Variants in FAM13A observed in about 807,000 individuals in gnomAD.
FAM13A encodes the protein protein FAM13A.
A neutral mutation model predicts 129.6 loss-of-function variants in FAM13A; 76 were observed. The observed-to-expected ratio is 0.59, with a 90% CI of 0.49 to 0.71. The LOEUF is 0.71. FAM13A is among the 30% of genes least tolerant of loss of function. The pLI, the probability that FAM13A is intolerant of heterozygous loss-of-function variation, is 0.00. For synonymous variants in FAM13A, 443 were observed against 449.9 expected, an observed-to-expected ratio of 0.98 and a Z score of 0.20; for missense variants, 1,108 against 1,249.3, an observed-to-expected ratio of 0.89 and a Z score of 1.70.
intron 6 of FAM13A, among the ~76,000 whole-genome samples, chr4:88,888,582 A>G (rs999373232): frequency 1.3e-5 from 2 of 152,114 alleles, no homozygotes; most frequent in African/African-American, 4.8e-5. Flanking sequence ...AAAGTAAATA[A>G]ATAAATAAAT....
At chr4:88,989,891 T>C (rs1762731265) in intron 4 of FAM13A, 1 of 152,198 alleles carries the variant, frequency 6.6e-6, no homozygotes, top group African/African-American at 2.4e-5. Context: ...AGTTTTCTAC[T>C]TACACCTTTC....
chr4:88,991,102 T>C lies in FAM13A; in HGVS notation c.476A>G (p.Glu159Gly). 2 of 1,613,904 alleles carry C rather than the reference T, an allele frequency of 1.2e-6. No individual in the cohort carries two copies. The highest frequency in any genetic ancestry group is 1.7e-6 in the Non-Finnish European group (2 of 1,179,856). The change falls in exon 4 of 24, where the codon GAG becomes GGG. Residue 159 changes from glutamate to glycine, a missense_variant. Physicochemically the swap from Glu to Gly is moderately conservative, Grantham distance 98. Around this residue, in one of 3 missense-constraint regions of FAM13A, gnomAD observed 566 missense variants for 595.7 expected, o/e 0.95. Transcript: ENST00000264344. Reference sequence around the variant, plus strand: ...GAGGCAGTAGTGGGTGTCTGGCAGCTCTTTTATTAAGTCTCTTAAGCTACT... The same window carrying C: ...GAGGCAGTAGTGGGTGTCTGGCAGCCCTTTTATTAAGTCTCTTAAGCTACT... ...QESSLRDLIKELPDTHYCLLK... is the reference protein window; with the variant it reads ...QESSLRDLIKGLPDTHYCLLK...
intron 13 of FAM13A, among the ~76,000 whole-genome samples, chr4:88,760,322 TGGCCGGGCGCGGTGGCTCACGCCTGTA>T (rs1744534489): frequency 9.5e-6 from 1 of 105,040 alleles, no homozygotes; most frequent in Non-Finnish European, 2.6e-5. Context: ...AAATGCCAAG[TGGCCGGGCGCGGTGGCTCACGCCTGTA>T]ATCCCAGCAC....
chr4:88,831,772 A>G (rs1411348563), intron 7 of FAM13A, among the ~76,000 whole-genome samples: 1 of 152,098 alleles, frequency 6.6e-6, no homozygotes, highest in African/African-American at 2.4e-5. Flanking sequence ...AAAACATCTC[A>G]TGTTCATGGA....
In FAM13A at chr4:88,968,019, C is replaced by T. The variant is rs150330460; in HGVS notation, c.605+22954G>A. Among the ~76,000 whole-genome samples the T allele has an allele frequency of 4.7e-3, 712 of 152,186 alleles. 4 individuals are homozygous for T. The highest frequency in any genetic ancestry group is 7.0e-3 in the Non-Finnish European group (479 of 68,012). ...GTCATACTGACTTTTCCTGTTTATC[C>T]CTTTCCACAGAAGACCTGCCATAAT... On this transcript the variant is annotated intron_variant, in intron 4 of 23. Transcript: ENST00000264344.
intron 4 of FAM13A, among the ~76,000 whole-genome samples, chr4:88,958,870 C>T (rs1758177324): frequency 6.6e-6 from 1 of 152,186 alleles, no homozygotes; most frequent in African/African-American, 2.4e-5. Context: ...GGGGGCTGTA[C>T]CCTGCAAAGC....
intron 4 of FAM13A, 38 bp from the exon 5 acceptor site, chr4:88,938,279 A>AT: frequency 1.3e-6 from 2 of 1,545,810 alleles, no homozygotes. Flanking sequence ...ATTACTTAGT[A>AT]AACACAACAG....
chr4:88,783,280 C>CT (rs920293681), intron 10 of FAM13A, among the ~76,000 whole-genome samples: 16 of 151,126 alleles, frequency 1.1e-4, no homozygotes, highest in South Asian at 2.1e-4. Context: ...CCACTTATAA[C>CT]TTTTTTTTTC....
Position 89,010,257 on chromosome 4 carries a change from C to T in FAM13A, c.427+10203G>A, listed in dbSNP as rs568598090. ...AACCTCTCTACTTTGAACCTCTGTC[C>T]CCATTCCTTTGGAGTCTGTGTTTCC... On this transcript the variant is annotated intron_variant, in intron 3 of 23. Transcript: ENST00000264344. Among the ~76,000 whole-genome samples, 4 of 152,270 alleles carry T rather than the reference C, an allele frequency of 2.6e-5. No individual in the cohort carries two copies. In the South Asian group the frequency reaches 8.3e-4, roughly 32 times the overall value.
intron 8 of FAM13A, among the ~76,000 whole-genome samples, chr4:88,797,516 T>C (rs1726456190): frequency 6.6e-6 from 1 of 152,166 alleles, no homozygotes; most frequent in Admixed American, 6.6e-5. Flanking sequence ...CCTCCCACTC[T>C]GGCCTCCGAA....
At chr4:88,837,728 A>C (rs1484120771) in intron 7 of FAM13A, among the ~76,000 whole-genome samples, 1 of 151,304 alleles carries the variant, frequency 6.6e-6, no homozygotes, top group Non-Finnish European at 1.5e-5. Context: ...CAAAAAAAAA[A>C]AAAAAAAAAA....
intron 4 of FAM13A, among the ~76,000 whole-genome samples, chr4:88,953,266 C>A (rs567756856): frequency 2.6e-4 from 39 of 151,906 alleles, no homozygotes; most frequent in Admixed American, 2.4e-3. Context: ...ACCAGCCTGG[C>A]CAACATGGTG....
intron 6 of FAM13A, among the ~76,000 whole-genome samples, chr4:88,896,068 C>T (rs1257089398): frequency 5.3e-5 from 8 of 150,014 alleles, no homozygotes; most frequent in Non-Finnish European, 8.9e-5. Flanking sequence ...GGCACATATA[C>T]ACCATGGAAT....
chr4:88,862,585 C>A (rs967533018), intron 6 of FAM13A, among the ~76,000 whole-genome samples: 1 of 152,138 alleles, frequency 6.6e-6, no homozygotes, highest in African/African-American at 2.4e-5. Flanking sequence ...GACTGAAATT[C>A]CCCCAAACAC....
At chr4:88,870,209 C>T (rs768600852) in intron 6 of FAM13A, among the ~76,000 whole-genome samples, 6 of 152,052 alleles carry the variant, frequency 3.9e-5, no homozygotes, top group Non-Finnish European at 7.4e-5. Context: ...CAGCTCCCAG[C>T]GTGATCGATG....
intron 6 of FAM13A, among the ~76,000 whole-genome samples, chr4:88,880,075 A>C (rs1189719052): frequency 6.6e-6 from 1 of 152,154 alleles, no homozygotes; most frequent in East Asian, 1.9e-4. Context: ...GAATACTGAA[A>C]ATATAAAATC....
chr4:89,040,357 T>C (rs1189620122), intron 1 of FAM13A, among the ~76,000 whole-genome samples: 2 of 152,166 alleles, frequency 1.3e-5, no homozygotes, highest in South Asian at 2.1e-4. Flanking sequence ...ATATTTTTCA[T>C]TAATAATAAA....
chr4:88,999,590 T>A (rs934213739), intron 3 of FAM13A, among the ~76,000 whole-genome samples: 4 of 152,174 alleles, frequency 2.6e-5, no homozygotes, highest in African/African-American at 9.7e-5. Flanking sequence ...TACCACCAGT[T>A]GGTTTTTTTC....
At chr4:88,915,173 T>C (rs1001398845) in intron 5 of FAM13A, among the ~76,000 whole-genome samples, 2 of 152,252 alleles carry the variant, frequency 1.3e-5, no homozygotes, top group Admixed American at 6.5e-5. Flanking sequence ...TACATATGAC[T>C]GGCAGATTAC....
Sources: allele counts gnomAD v4.1 joint callset (sites outside exome capture counted in the v4.1 genomes callset), GRCh38; gene constraint gnomAD v4.1.1; regional missense constraint gnomAD v4.1.1; transcripts MANE v1.5; gene names NCBI Gene and HGNC (gene_info 2026-07-23, HGNC 2026-07-21).